Variants in GRID1 observed in about 807,000 individuals in gnomAD.
GRID1 encodes the protein glutamate receptor ionotropic, delta-1.
GRID1 carries 28 observed loss-of-function variants against 98.0 expected under a neutral mutation model. The observed-to-expected ratio is 0.29, with a 90% CI of 0.21 to 0.39. The LOEUF (loss-of-function observed/expected upper bound fraction) is 0.39, where lower values mean the gene tolerates loss of function less well. Among genes scored for constraint, GRID1 ranks in the 10% least tolerant of loss-of-function variants. GRID1 has a pLI of 1.00. For missense variants in GRID1, 1,111 were observed against 1,340.5 expected (o/e 0.83, Z 2.67); for synonymous variants, 553 against 538.5 (o/e 1.03, Z -0.37).
chr10:85,724,735 C>G (rs142669071), intron 10 of GRID1, 59 bp from the exon 11 acceptor site: 12 of 1,456,630 alleles, frequency 8.2e-6, no homozygotes, highest in African/African-American at 1.4e-5. Flanking sequence ...TGGGTTCTGC[C>G]CTGGGTCAAG....
chr10:85,729,831 A>C (rs1306953855), intron 8 of GRID1, among the ~76,000 whole-genome samples: 2 of 152,214 alleles, frequency 1.3e-5, no homozygotes, highest in East Asian at 3.8e-4. Context: ...ATCTCTATAG[A>C]GCTCAGCACA....
Position 86,024,703 on chromosome 10 carries a change from T to C in GRID1, c.727-108464A>G, listed in dbSNP as rs913583788. Among the ~76,000 whole-genome samples, 5 of 152,224 alleles carry C rather than the reference T, an allele frequency of 3.3e-5. No individual in the cohort carries two copies. In the East Asian group the frequency reaches 7.7e-4, roughly 24 times the overall value. On this transcript the variant is annotated intron_variant, in intron 4 of 15. Transcript: ENST00000327946. Reference sequence around the variant, plus strand: ...ACTTGCTTCTGTCCACAACTCTGCTTCCCAGCAGCCTCACAGTTAGCCGGC... The same window carrying C: ...ACTTGCTTCTGTCCACAACTCTGCTCCCCAGCAGCCTCACAGTTAGCCGGC...
rs146500217 is a variant in GRID1 at position 86,327,436 on chromosome 10, G to A, written c.235+36505C>T. Among the ~76,000 whole-genome samples, 456 of 152,272 alleles carry A rather than the reference G, an allele frequency of 3.0e-3. 2 individuals are homozygous for A. The highest frequency in any genetic ancestry group is 0.011 in the African/African-American group (438 of 41,540). On this transcript the variant is annotated intron_variant, in intron 2 of 15. Coordinates refer to ENST00000327946, the MANE Select transcript of GRID1 (RefSeq NM_017551.3). ...AATTTCCCCAAGCAGCCAAAAAGCAGAGCAAACCCACATGAGAACAATAGC... is the reference window on the plus strand; with the variant it reads ...AATTTCCCCAAGCAGCCAAAAAGCAAAGCAAACCCACATGAGAACAATAGC...
chr10:86,119,644 G>A (rs61857760), intron 4 of GRID1, among the ~76,000 whole-genome samples: 80,021 of 151,896 alleles, frequency 0.53, 23,552 homozygotes, highest in East Asian at 0.71. Flanking sequence ...TTATGTTGAC[G>A]CTCACCCAAA....
chr10:86,050,427 A>C (rs912435930), intron 4 of GRID1, among the ~76,000 whole-genome samples: 1 of 152,244 alleles, frequency 6.6e-6, no homozygotes, highest in Non-Finnish European at 1.5e-5. Flanking sequence ...CTGAACTTGT[A>C]TAAGAACTCT....
intron 12 of GRID1, among the ~76,000 whole-genome samples, chr10:85,717,422 G>A (rs1479592504): frequency 6.6e-6 from 1 of 152,132 alleles, no homozygotes; most frequent in Non-Finnish European, 1.5e-5. Flanking sequence ...GCGTAGGCAA[G>A]AGAAAATGAG....
At chr10:86,093,021 T>TC (rs1844170416) in intron 4 of GRID1, among the ~76,000 whole-genome samples, 1 of 152,194 alleles carries the variant, frequency 6.6e-6, no homozygotes, top group Non-Finnish European at 1.5e-5. Flanking sequence ...ATTCAAATTA[T>TC]ATCAAGCACT....
chr10:85,742,920 G>A (rs147174448), intron 8 of GRID1, among the ~76,000 whole-genome samples: 1 of 152,274 alleles, frequency 6.6e-6, no homozygotes, highest in African/African-American at 2.4e-5. Context: ...TTTGGGGCCA[G>A]ATAATTATTT....
intron 4 of GRID1, among the ~76,000 whole-genome samples, chr10:86,018,745 G>A (rs983557625): frequency 6.6e-6 from 1 of 152,176 alleles, no homozygotes; most frequent in African/African-American, 2.4e-5. Context: ...GATCAGCCCC[G>A]CCTTCCAGCT....
intron 4 of GRID1, among the ~76,000 whole-genome samples, chr10:86,070,598 GA>G (rs1260578098): frequency 6.6e-6 from 1 of 152,068 alleles, no homozygotes; most frequent in Non-Finnish European, 1.5e-5. Context: ...TGGACACTGG[GA>G]ACTATCCATC....
chr10:85,736,905 A>G (rs966790751), intron 8 of GRID1, among the ~76,000 whole-genome samples: 1 of 152,184 alleles, frequency 6.6e-6, no homozygotes, highest in Admixed American at 6.5e-5. Flanking sequence ...AGGGTAGAAT[A>G]TTAATATTGG....
chr10:86,038,933 G>A (rs535472163), intron 4 of GRID1, among the ~76,000 whole-genome samples: 1 of 152,240 alleles, frequency 6.6e-6, no homozygotes, highest in African/African-American at 2.4e-5. Flanking sequence ...CCAAGCCAAC[G>A]TTATTCTTGT....
chr10:85,840,102 G>A (rs1464823876), intron 8 of GRID1, among the ~76,000 whole-genome samples: 1 of 152,012 alleles, frequency 6.6e-6, no homozygotes, highest in African/African-American at 2.4e-5. Flanking sequence ...TGAAATTGAG[G>A]CCATAATAAA....
chr10:85,622,909 TCA>T (rs768191002), intron 13 of GRID1, among the ~76,000 whole-genome samples: 22 of 152,208 alleles, frequency 1.4e-4, no homozygotes, highest in Non-Finnish European at 2.8e-4. Flanking sequence ...GGCCTTGACT[TCA>T]GTGCCTCCAA....
chr10:85,769,615 C>T (rs1272607798), intron 8 of GRID1, among the ~76,000 whole-genome samples: 1 of 152,192 alleles, frequency 6.6e-6, no homozygotes, highest in Non-Finnish European at 1.5e-5. Context: ...CGGGTCACAC[C>T]CACCCCAATA....
intron 9 of GRID1, 105 bp from the exon 10 acceptor site, chr10:85,728,157 C>A (rs1590207329): frequency 1.1e-6 from 1 of 889,374 alleles, no homozygotes; most frequent in South Asian, 1.4e-5. Context: ...ATTTGCAGTT[C>A]CCCAATTTAG....
intron 2 of GRID1, among the ~76,000 whole-genome samples, chr10:86,259,753 G>C (rs966783676): frequency 1.3e-5 from 2 of 152,222 alleles, no homozygotes; most frequent in African/African-American, 4.8e-5. Context: ...AAAGGGAAGA[G>C]AGTCCAGTAA....
chr10:86,250,704 G>C (rs1311415884), intron 2 of GRID1, among the ~76,000 whole-genome samples: 1 of 151,664 alleles, frequency 6.6e-6, no homozygotes, highest in Non-Finnish European at 1.5e-5. Flanking sequence ...CCCCCGCCCA[G>C]CCGCCGCCCC....
chr10:86,285,237 G>C (rs1453454317), intron 2 of GRID1, among the ~76,000 whole-genome samples: 4 of 152,168 alleles, frequency 2.6e-5, no homozygotes, highest in Non-Finnish European at 5.9e-5. Context: ...GTGAACATCA[G>C]TTGACAGCGA....
Sources: allele counts gnomAD v4.1 joint callset (sites outside exome capture counted in the v4.1 genomes callset), GRCh38; gene constraint gnomAD v4.1.1; transcripts MANE v1.5; gene names NCBI Gene and HGNC (gene_info 2026-07-23, HGNC 2026-07-21).